The following ARSB variants were observed in gnomAD, a reference collection of about 807,000 sequenced individuals.
The protein encoded by ARSB is N-acetylgalactosamine-4-sulfatase.
ARSB carries 41 observed loss-of-function variants against 50.9 expected under a neutral mutation model. The ratio of observed to expected loss-of-function variants is 0.81; its 90% CI spans 0.63 to 1.04. The LOEUF is 1.04. ARSB is among the 50% of genes least tolerant of loss of function. The pLI is 0.00. For synonymous variants in ARSB, 269 were observed against 284.8 expected, an observed-to-expected ratio of 0.94 and a Z score of 0.56; for missense variants, 672 against 693.3, an observed-to-expected ratio of 0.97 and a Z score of 0.35.
intron 4 of ARSB, among the ~76,000 whole-genome samples, chr5:78,892,357 G>A (rs975792287): frequency 6.8e-6 from 1 of 147,840 alleles, no homozygotes; most frequent in African/African-American, 2.5e-5. Flanking sequence ...CAGGGTTCAA[G>A]CGATTCTCAT....
At chr5:78,927,184 A>G (rs1750093827) in intron 4 of ARSB, among the ~76,000 whole-genome samples, 1 of 152,228 alleles carries the variant, frequency 6.6e-6, no homozygotes, top group African/African-American at 2.4e-5. Flanking sequence ...AATTTTAATA[A>G]TATATTTTAT....
intron 4 of ARSB, among the ~76,000 whole-genome samples, chr5:78,940,093 T>G (rs1020600030): frequency 6.6e-6 from 1 of 152,252 alleles, no homozygotes; most frequent in Admixed American, 6.5e-5. Context: ...TTGAGAAGTG[T>G]CTGTTCATAT....
At chr5:78,891,538 C>T (rs1233944032) in intron 4 of ARSB, among the ~76,000 whole-genome samples, 3 of 152,130 alleles carry the variant, frequency 2.0e-5, no homozygotes, top group Admixed American at 1.3e-4. Context: ...ACAGGATGGA[C>T]AAGGTCCTGT....
At chr5:78,832,999 G>C (rs1744758717) in intron 6 of ARSB, among the ~76,000 whole-genome samples, 1 of 152,192 alleles carries the variant, frequency 6.6e-6, no homozygotes, top group Non-Finnish European at 1.5e-5. Flanking sequence ...GATGGGGCAG[G>C]ATCATTACTG....
intron 6 of ARSB, among the ~76,000 whole-genome samples, chr5:78,823,652 T>C (rs1480804988): frequency 6.6e-6 from 1 of 152,184 alleles, no homozygotes; most frequent in Non-Finnish European, 1.5e-5. Context: ...GGGTTTTCTT[T>C]CTGAATGTTC....
intron 1 of ARSB, among the ~76,000 whole-genome samples, chr5:78,984,114 T>TA (rs768342536): frequency 2.0e-5 from 3 of 152,184 alleles, no homozygotes; most frequent in Non-Finnish European, 2.9e-5. Flanking sequence ...GACCACTTTC[T>TA]AGCTGTGCGA....
intron 6 of ARSB, among the ~76,000 whole-genome samples, chr5:78,832,653 T>C (rs904814270): frequency 6.6e-6 from 1 of 151,972 alleles, no homozygotes; most frequent in Non-Finnish European, 1.5e-5. Context: ...AATGTGTGTG[T>C]GAGAGAGGAG....
intron 6 of ARSB, among the ~76,000 whole-genome samples, chr5:78,820,087 T>C (rs562171774): frequency 6.1e-4 from 93 of 152,322 alleles, no homozygotes; most frequent in African/African-American, 1.8e-3. Flanking sequence ...TTTTGTCCCT[T>C]CTGCCACGTG....
chr5:78,858,777 T>C (rs1024794989), intron 5 of ARSB, among the ~76,000 whole-genome samples: 1 of 152,174 alleles, frequency 6.6e-6, no homozygotes, highest in African/African-American at 2.4e-5. Flanking sequence ...TGTTAACCCT[T>C]TGGAAGCACC....
chr5:78,806,958 C>T (rs571735457), intron 6 of ARSB, among the ~76,000 whole-genome samples: 13 of 152,316 alleles, frequency 8.5e-5, no homozygotes, highest in Admixed American at 3.9e-4. Flanking sequence ...CTGTCACCTC[C>T]GATTAGCTAC....
At chr5:78,956,491 TTAAA>T (rs1751733741) in intron 3 of ARSB, among the ~76,000 whole-genome samples, 1 of 152,106 alleles carries the variant, frequency 6.6e-6, no homozygotes, top group South Asian at 2.1e-4. Flanking sequence ...ACTGTATACT[TTAAA>T]TGAGTGAATT....
chr5:78,923,761 C>A (rs999331319), intron 4 of ARSB, among the ~76,000 whole-genome samples: 46 of 152,142 alleles, frequency 3.0e-4, no homozygotes, highest in Admixed American at 1.3e-4. Flanking sequence ...CCAATCCTAC[C>A]CAGTTGCAAA....
intron 6 of ARSB, among the ~76,000 whole-genome samples, chr5:78,789,992 A>C (rs1338992825): frequency 6.6e-6 from 1 of 152,120 alleles, no homozygotes; most frequent in Non-Finnish European, 1.5e-5. Context: ...TGGTGAGGGA[A>C]GCGTGGCACA....
intron 6 of ARSB, among the ~76,000 whole-genome samples, chr5:78,810,362 G>A (rs943998108): frequency 3.3e-5 from 5 of 152,192 alleles, no homozygotes; most frequent in African/African-American, 9.6e-5. Flanking sequence ...GGTAAAAACA[G>A]CACAGTGAAA....
chr5:78,796,829 T>C (rs1386875856), intron 6 of ARSB, among the ~76,000 whole-genome samples: 1 of 150,588 alleles, frequency 6.6e-6, no homozygotes, highest in Non-Finnish European at 1.5e-5. Context: ...AATTTTTGTA[T>C]TTTTAGTAGA....
intron 6 of ARSB, among the ~76,000 whole-genome samples, chr5:78,826,428 A>G (rs933897573): frequency 7.9e-5 from 12 of 152,206 alleles, no homozygotes; most frequent in South Asian, 2.1e-4. Context: ...GGGTATAGAA[A>G]AGAACACAAA....
At chr5:78,918,821 C>T (rs1406577572) in intron 4 of ARSB, among the ~76,000 whole-genome samples, 1 of 152,082 alleles carries the variant, frequency 6.6e-6, no homozygotes, top group Non-Finnish European at 1.5e-5. Flanking sequence ...GAAATTATAA[C>T]CATGAAGGGG....
intron 6 of ARSB, among the ~76,000 whole-genome samples, chr5:78,782,994 G>A (rs1748967627): frequency 6.6e-6 from 1 of 152,100 alleles, no homozygotes; most frequent in African/African-American, 2.4e-5. Context: ...ATTATGAAAG[G>A]AGTGAACAAG....
intron 6 of ARSB, among the ~76,000 whole-genome samples, chr5:78,825,932 G>A (rs1189757040): frequency 2.6e-5 from 4 of 151,954 alleles, no homozygotes; most frequent in African/African-American, 4.8e-5. Flanking sequence ...GCTTTCTTAC[G>A]TCTCACTTTA....
Sources: gnomAD v4.1 joint callset for allele counts (sites outside exome capture counted in the v4.1 genomes callset) on GRCh38, gnomAD v4.1.1 for gene constraint, MANE v1.5 for transcripts, NCBI Gene and HGNC (gene_info 2026-07-23, HGNC 2026-07-21) for gene names.